EHMT1: variants seen among roughly 807,000 people sequenced by gnomAD.
EHMT1 encodes histone-lysine N-methyltransferase EHMT1.
EHMT1 carries 15 observed loss-of-function variants against 147.2 expected under a neutral mutation model. The ratio of observed to expected loss-of-function variants is 0.10; its 90% CI spans 0.07 to 0.16. The LOEUF is 0.16. Ranked by LOEUF, EHMT1 falls within the 10% of genes least tolerant of loss-of-function variation. The pLI, the probability that EHMT1 is intolerant of heterozygous loss-of-function variation, is 1.00. For synonymous variants in EHMT1, 795 were observed against 709.6 expected, an observed-to-expected ratio of 1.12 and a Z score of -1.91; for missense variants, 1,587 against 1,772.4, an observed-to-expected ratio of 0.90 and a Z score of 1.88.
At chr9:137,697,695 A>T (rs762543961) in intron 1 of EHMT1, among the ~76,000 whole-genome samples, 3 of 152,182 alleles carry the variant, frequency 2.0e-5, no homozygotes, top group Non-Finnish European at 2.9e-5. Flanking sequence ...TTATTCTTGC[A>T]TCCTTGTAAA....
chr9:137,753,644 T>C (rs1411295689), intron 7 of EHMT1, among the ~76,000 whole-genome samples: 1 of 152,220 alleles, frequency 6.6e-6, no homozygotes, highest in African/African-American at 2.4e-5. Context: ...GCGCCTGCTG[T>C]GCATCCGTGT....
rs187728871 is a variant in EHMT1, at chr9:137,753,041, A to G, written c.1248+633A>G. Among the ~76,000 whole-genome samples, 594 of 152,184 alleles carry G rather than the reference A, an allele frequency of 3.9e-3. 1 individual carries two copies. The highest frequency in any genetic ancestry group is 3.8e-3 in the Non-Finnish European group (258 of 67,980). Reference sequence around the variant, plus strand: ...GGTCTGCGGGAATTGGGTGTTGGAAATGGGTAAGAGCAGCGAGTCCCCAGG... The same window carrying G: ...GGTCTGCGGGAATTGGGTGTTGGAAGTGGGTAAGAGCAGCGAGTCCCCAGG... On this transcript the variant is annotated intron_variant, in intron 7 of 26. Transcript: ENST00000460843.
intron 23 of EHMT1, 98 bp downstream of exon 23, chr9:137,816,160 A>T: frequency 9.7e-7 from 1 of 1,036,038 alleles, no homozygotes; most frequent in Non-Finnish European, 1.5e-6. Context: ...ACGTGTTTGG[A>T]TGCACGCACA....
chr9:137,803,363 G>T, intron 18 of EHMT1: 1 of 939,188 alleles, frequency 1.1e-6, no homozygotes, highest in Non-Finnish European at 1.3e-6. Flanking sequence ...GTGATCCTCC[G>T]CGCTTCACAG....
intron 1 of EHMT1, among the ~76,000 whole-genome samples, chr9:137,653,463 A>G (rs79460315): frequency 0.04 from 6,054 of 152,202 alleles, 176 homozygotes; most frequent in Non-Finnish European, 0.062. Context: ...TAAGTGATGC[A>G]TGGTTGCATA....
In EHMT1 at chr9:137,731,273, C is replaced by T. The variant is rs1424571730; in HGVS notation, c.823+2744C>T. 3.9e-5 allele frequency among the ~76,000 whole-genome samples: 6 copies of T among 152,236 alleles called. No individual in the cohort carries two copies. In the East Asian group the frequency reaches 1.2e-3, roughly 29 times the overall value. The stretch of plus-strand genomic sequence containing the variant: ...GATGTGCTCGGCAGTTAGCTGCCTG[C>T]TGTGGTCCAGTGGTTAAGATACTCC... On this transcript the variant is annotated intron_variant, in intron 4 of 26. Coordinates refer to ENST00000460843, the MANE Select transcript of EHMT1 (RefSeq NM_024757.5). The surrounding 1 kb of genome is among the most constrained non-coding windows in gnomAD (Gnocchi z 4.3).
intron 8 of EHMT1, among the ~76,000 whole-genome samples, chr9:137,755,884 T>C (rs1487531823): frequency 6.6e-6 from 1 of 152,272 alleles, no homozygotes; most frequent in African/African-American, 2.4e-5. Context: ...TTGCTCACTT[T>C]TAAAATCTGG....
chr9:137,781,801 C>T (rs866659875), intron 14 of EHMT1, among the ~76,000 whole-genome samples: 15 of 152,300 alleles, frequency 9.8e-5, no homozygotes, highest in African/African-American at 2.6e-4. Flanking sequence ...TTTATGTTGA[C>T]CAGCAGTTTT....
chr9:137,680,943 G>A (rs899151123), intron 1 of EHMT1: 1 of 152,428 alleles, frequency 6.6e-6, no homozygotes, highest in East Asian at 1.9e-4. Flanking sequence ...AGGGTGGATG[G>A]GGTCTTGTCT....
chr9:137,754,718 T>C (rs553463838), intron 8 of EHMT1, among the ~76,000 whole-genome samples: 1 of 152,300 alleles, frequency 6.6e-6, no homozygotes, highest in East Asian at 1.9e-4. Context: ...GGTTTTGCTA[T>C]GTTGGCCAGG....
intron 1 of EHMT1, among the ~76,000 whole-genome samples, chr9:137,633,750 C>T (rs1350527921): frequency 6.6e-6 from 1 of 152,082 alleles, no homozygotes; most frequent in East Asian, 1.9e-4. Context: ...ATCCTCCCTC[C>T]CCGACCCCCG....
At chr9:137,689,482 A>C (rs1337331505) in intron 1 of EHMT1, among the ~76,000 whole-genome samples, 1 of 152,036 alleles carries the variant, frequency 6.6e-6, no homozygotes, top group Non-Finnish European at 1.5e-5. Flanking sequence ...AGGTGGGTGG[A>C]TCATGAGGTC....
At position 137,782,420 on chromosome 9, in the gene EHMT1, T is replaced by G. The variant is rs1457567930; in HGVS notation, c.2382+23T>G. On this transcript the variant is annotated intron_variant, in intron 15 of 26. Transcript: ENST00000460843. This position sits in a 1 kb window ranked among gnomAD's most constrained non-coding sequence, Gnocchi z 5.7. Reference sequence around the variant, plus strand: ...CAGGTGCGGCGGCACGGCGCCCTCCTAGGGCTCTTCACCTGCTCTCTTTTA... The same window carrying G: ...CAGGTGCGGCGGCACGGCGCCCTCCGAGGGCTCTTCACCTGCTCTCTTTTA... 6.3e-7 allele frequency: 1 copy of G among 1,585,316 alleles called. No homozygotes were observed. The highest frequency in any genetic ancestry group is 8.6e-7 in the Non-Finnish European group (1 of 1,167,498).
rs747709303 is a variant in EHMT1 at position 137,813,504 on chromosome 9, A to G, written c.3154A>G (p.Ile1052Val). 2 of 1,613,976 alleles carry G rather than the reference A, an allele frequency of 1.2e-6. No individual in the cohort carries two copies. The highest frequency in any genetic ancestry group is 1.3e-5 in the African/African-American group (1 of 75,024). Residue 1052 changes from isoleucine (I) to valine (V), a missense_variant, in exon 21 of 27, where the codon ATC (isoleucine) becomes GTC (valine). This residue lies in a region of EHMT1 where 156 missense variants were observed against 252.5 expected (regional missense o/e 0.62). Coordinates refer to ENST00000460843, the MANE Select transcript of EHMT1 (RefSeq NM_024757.5). The surrounding 1 kb of genome is among the most constrained non-coding windows in gnomAD (Gnocchi z 4.9). ...GAACTGCGTGACGTCCCCCATGAAC[A>G]TCGACAGAAATATCACTCATCTGCA... ...SQNCVTSPMN[I>V]DRNITHLQYC...
chr9:137,799,452 G>A (rs866987819), intron 17 of EHMT1, among the ~76,000 whole-genome samples: 1 of 152,226 alleles, frequency 6.6e-6, no homozygotes, highest in Non-Finnish European at 1.5e-5. Flanking sequence ...TGCCATGCAT[G>A]TGTGCTGAAC....
intron 1 of EHMT1, among the ~76,000 whole-genome samples, chr9:137,669,357 G>C (rs1940171757): frequency 9.1e-5 from 2 of 22,012 alleles, no homozygotes; most frequent in South Asian, 1.7e-3. Context: ...CACCCAAGAC[G>C]CTCCCACAGC....
chr9:137,707,272 G>A (rs1490329342), intron 1 of EHMT1, among the ~76,000 whole-genome samples: 1 of 152,198 alleles, frequency 6.6e-6, no homozygotes, highest in East Asian at 1.9e-4. Flanking sequence ...AGCACCCTAG[G>A]AGCAGCCCCT....
At chr9:137,698,989 G>A (rs1239495489) in intron 1 of EHMT1, among the ~76,000 whole-genome samples, 2 of 151,958 alleles carry the variant, frequency 1.3e-5, no homozygotes, top group East Asian at 1.9e-4. Flanking sequence ...AGGAGGCCAC[G>A]CACTGGGAAC....
chr9:137,716,584 A>G (rs770455871), intron 2 of EHMT1, 42 bp from the exon 3 acceptor site: 2 of 1,514,912 alleles, frequency 1.3e-6, no homozygotes, highest in Non-Finnish European at 8.9e-7. Context: ...TGCCATGGAG[A>G]GCGTGGCCTG....
Sources: allele counts gnomAD v4.1 joint callset (sites outside exome capture counted in the v4.1 genomes callset), GRCh38; gene constraint gnomAD v4.1.1; regional missense constraint gnomAD v4.1.1; non-coding constraint Gnocchi (gnomAD v3.1); transcripts MANE v1.5; gene names NCBI Gene and HGNC (gene_info 2026-07-23, HGNC 2026-07-21).